ANXA2: variants seen among roughly 807,000 people sequenced by gnomAD.
ANXA2 encodes the protein annexin II.
In ANXA2, 28 loss-of-function variants were observed where a neutral mutation model predicts 47.3. That is an observed-to-expected ratio of 0.59 (90% confidence interval 0.44 to 0.81). The LOEUF (loss-of-function observed/expected upper bound fraction) is 0.81, where lower values mean the gene tolerates loss of function less well. Among genes scored for constraint, ANXA2 ranks in the 40% least tolerant of loss-of-function variants. The pLI is 0.00. For missense variants in ANXA2, 384 were observed against 414.3 expected (o/e 0.93, Z 0.64); for synonymous variants, 172 against 155.5 (o/e 1.11, Z -0.79).
At chr15:60,387,546 G>T (rs905950063) in intron 1 of ANXA2, among the ~76,000 whole-genome samples, 1 of 152,180 alleles carries the variant, frequency 6.6e-6, no homozygotes, top group African/African-American at 2.4e-5. Flanking sequence ...CAACTGAAAA[G>T]GTAATACAGT....
chr15:60,386,345 T>G (rs1250723624), intron 1 of ANXA2: 1 of 388,442 alleles, frequency 2.6e-6, no homozygotes, highest in African/African-American at 2.0e-5. Flanking sequence ...GAGACTGATG[T>G]GTGAATGCAA....
intron 3 of ANXA2, among the ~76,000 whole-genome samples, chr15:60,369,825 A>C (rs2062688619): frequency 6.6e-6 from 1 of 152,228 alleles, no homozygotes; most frequent in South Asian, 2.1e-4. Flanking sequence ...ACTTCTACCA[A>C]CTGCTTTTGT....
At chr15:60,380,729 G>A (rs1222273465) in intron 3 of ANXA2, among the ~76,000 whole-genome samples, 4 of 150,034 alleles carry the variant, frequency 2.7e-5, no homozygotes, top group East Asian at 1.9e-4. Flanking sequence ...ACTTGAGCCC[G>A]GGAGGTGGAG....
chr15:60,374,602 T>C (rs1207936875), intron 3 of ANXA2: 1 of 456,098 alleles, frequency 2.2e-6, no homozygotes, highest in East Asian at 6.9e-5. Context: ...AGGCAGGTGA[T>C]GAAAGCTGAT....
chr15:60,397,850 G>A, intron 1 of ANXA2, 93 bp downstream of exon 1: 1 of 1,389,306 alleles, frequency 7.2e-7, no homozygotes, highest in Non-Finnish European at 9.3e-7. Context: ...CAGTTGCCGG[G>A]GCCTCCCTGC....
chr15:60,357,481 A>G (rs1228569480), intron 5 of ANXA2, among the ~76,000 whole-genome samples: 1 of 152,128 alleles, frequency 6.6e-6, no homozygotes, highest in Non-Finnish European at 1.5e-5. Flanking sequence ...TCAACTGTTA[A>G]TATGGTTTTT....
At chr15:60,351,546 C>G in intron 10 of ANXA2, 178 bp downstream of exon 10, 1 of 626,072 alleles carries the variant, frequency 1.6e-6, no homozygotes, top group African/African-American at 1.8e-5. Context: ...AATCTGTTAC[C>G]AAGTTAGGCC....
intron 11 of ANXA2, among the ~76,000 whole-genome samples, chr15:60,350,931 A>G (rs1349423860): frequency 6.6e-6 from 1 of 152,210 alleles, no homozygotes; most frequent in Non-Finnish European, 1.5e-5. Flanking sequence ...GGGATCAGAC[A>G]CGACTACCAT....
chr15:60,361,483 T>A (rs567012907), intron 4 of ANXA2: 1 of 177,108 alleles, frequency 5.6e-6, no homozygotes, highest in Non-Finnish European at 1.2e-5. Context: ...GGCCTCCCGA[T>A]ATACTGTAAA....
chr15:60,358,177 G>A (rs1276045616), intron 5 of ANXA2, among the ~76,000 whole-genome samples: 2 of 152,140 alleles, frequency 1.3e-5, no homozygotes, highest in African/African-American at 4.8e-5. Flanking sequence ...GCACTTTAGG[G>A]AAGCAAAAAG....
Position 60,377,341 on chromosome 15 carries a change from T to C in ANXA2, c.148+5001A>G, listed in dbSNP as rs527528700. Among the ~76,000 whole-genome samples the C allele has an allele frequency of 7.2e-4, 109 of 152,332 alleles. 1 individual carries two copies. The South Asian group carries it at 0.013, about 18-fold the overall frequency. On this transcript the variant is annotated intron_variant, in intron 3 of 12. Transcript: ENST00000451270. ...TTTGTTTTTAATTAAGTTTACTGCC[T>C]TCCACTATGAAAGTAATACAAGTCA...
intron 3 of ANXA2, among the ~76,000 whole-genome samples, chr15:60,367,627 C>T (rs1440498348): frequency 2.7e-5 from 2 of 75,164 alleles, no homozygotes; most frequent in Admixed American, 2.7e-4. Context: ...CTCTGCCCGG[C>T]CGCCCCTACT....
intron 5 of ANXA2, among the ~76,000 whole-genome samples, chr15:60,358,576 T>C (rs1017425436): frequency 6.6e-6 from 1 of 152,268 alleles, no homozygotes; most frequent in African/African-American, 2.4e-5. Flanking sequence ...CTCAGGTTAA[T>C]GGTTAATTTT....
intron 3 of ANXA2, among the ~76,000 whole-genome samples, chr15:60,366,806 G>A (rs1246093994): frequency 1.8e-5 from 2 of 110,434 alleles, no homozygotes; most frequent in African/African-American, 3.5e-5. Flanking sequence ...GGGAGGCGGG[G>A]GGGGGGGGGG....
intron 8 of ANXA2, 39 bp downstream of exon 8, chr15:60,354,115 C>A (rs2062388563): frequency 6.3e-7 from 1 of 1,587,368 alleles, no homozygotes; most frequent in East Asian, 2.2e-5. Flanking sequence ...AGAGACTTAC[C>A]AGAAAACAAA....
At chr15:60,366,734 G>A (rs2062614913) in intron 3 of ANXA2, among the ~76,000 whole-genome samples, 3 of 111,930 alleles carry the variant, frequency 2.7e-5, no homozygotes, top group South Asian at 3.3e-4. Context: ...GGGCTCCTCT[G>A]CCCGGCCGCC....
intron 3 of ANXA2, among the ~76,000 whole-genome samples, chr15:60,375,050 G>C (rs2062758920): frequency 6.6e-6 from 1 of 152,198 alleles, no homozygotes; most frequent in Non-Finnish European, 1.5e-5. Flanking sequence ...GTTCTGCTCA[G>C]CCAAATGAAT....
rs112108609 is a variant in ANXA2 at position 60,388,188 on chromosome 15, C to CA, written c.-11-2103dup. On this transcript the variant is annotated intron_variant, in intron 1 of 12. Transcript: ENST00000451270. ...GGGCAACAAGAGCAAAACTCCGTCT[C>CA]AAAAAAAAAAAAAGACAATTTAGAA... 1.7e-3 allele frequency among the ~76,000 whole-genome samples: 209 copies of CA among 126,370 alleles called. 1 individual carries two copies. Among genetic ancestry groups the CA allele is most frequent in the African/African-American group, 2.9e-3 (99 of 34,054 alleles). The allele number at this position is 126,370 out of a possible 152,430, so 82.9% of individuals were successfully genotyped here.
At chr15:60,396,049 T>C (rs958635897) in intron 1 of ANXA2, 6 of 152,254 alleles carry the variant, frequency 3.9e-5, no homozygotes, top group Non-Finnish European at 5.9e-5. Context: ...TGAATATTGC[T>C]GCTTTACATT....
Sources: gnomAD v4.1 joint callset for allele counts (sites outside exome capture counted in the v4.1 genomes callset) on GRCh38, gnomAD v4.1.1 for gene constraint, MANE v1.5 for transcripts, NCBI Gene and HGNC (gene_info 2026-07-23, HGNC 2026-07-21) for gene names.